PAK6: variants seen among roughly 807,000 people sequenced by gnomAD.
The protein encoded by PAK6 is p21 (RAC1) activated kinase 6.
PAK6 carries 33 observed loss-of-function variants against 60.8 expected under a neutral mutation model. The observed-to-expected ratio is 0.54, with a 90% CI of 0.41 to 0.73. PAK6 has a LOEUF of 0.73. Ranked by LOEUF, PAK6 falls within the 30% of genes least tolerant of loss-of-function variation. The pLI is 0.00. For missense variants in PAK6, 845 were observed against 904.1 expected (o/e 0.93, Z 0.84); for synonymous variants, 404 against 378.5 (o/e 1.07, Z -0.78).
chr15:40,265,457 C>G (rs904093058), intron 4 of PAK6, among the ~76,000 whole-genome samples: 6 of 152,152 alleles, frequency 3.9e-5, no homozygotes, highest in African/African-American at 1.4e-4. Context: ...GAGGAGCCCC[C>G]GGCCTGGTGT....
intron 2 of PAK6, among the ~76,000 whole-genome samples, chr15:40,243,952 C>T (rs2038427093): frequency 6.6e-6 from 1 of 152,212 alleles, no homozygotes; most frequent in African/African-American, 2.4e-5. Context: ...CCATCTAAAG[C>T]ATACACTTGG....
At chr15:40,252,749 G>A in intron 2 of PAK6, 1 of 1,302,048 alleles carries the variant, frequency 7.7e-7, no homozygotes, top group Non-Finnish European at 1.0e-6. Flanking sequence ...CCCAACACGC[G>A]CAGCCCCCTT....
At chr15:40,241,673 G>A (rs1203216013) in intron 2 of PAK6, among the ~76,000 whole-genome samples, 3 of 152,166 alleles carry the variant, frequency 2.0e-5, no homozygotes, top group Admixed American at 6.5e-5. Flanking sequence ...GGGAGTGTGG[G>A]GACTGCACGG....
intron 2 of PAK6, among the ~76,000 whole-genome samples, chr15:40,248,685 G>C (rs181958001): frequency 6.6e-6 from 1 of 152,198 alleles, no homozygotes. Context: ...TGCCATGTGG[G>C]GGTCCTCGCG....
At chr15:40,247,285 T>A (rs187461806) in intron 2 of PAK6, 1 of 152,352 alleles carries the variant, frequency 6.6e-6, no homozygotes, top group Admixed American at 6.5e-5. Context: ...CAAAAGATAT[T>A]TGGATGGAAC....
At chr15:40,259,093 GA>G (rs2038914912) in intron 3 of PAK6, 1 of 152,294 alleles carries the variant, frequency 6.6e-6, no homozygotes, top group Admixed American at 6.5e-5. Flanking sequence ...CTCTGAGGGG[GA>G]GTCCCCTTCC....
intron 4 of PAK6, 90 bp downstream of exon 4, chr15:40,265,079 C>A: frequency 8.9e-7 from 1 of 1,125,590 alleles, no homozygotes; most frequent in Non-Finnish European, 1.3e-6. Flanking sequence ...CCTGGAGGAA[C>A]CACCTACTTC....
chr15:40,273,388 G>A (rs1595604148), exon 8 of PAK6: 3 of 1,613,986 alleles, frequency 1.9e-6, no homozygotes, highest in Non-Finnish European at 2.5e-6. Context: ...AGGCTGTGCT[G>A]CAGGCCCTGG....
intron 3 of PAK6, among the ~76,000 whole-genome samples, chr15:40,255,673 G>A (rs905248092): frequency 6.6e-6 from 1 of 152,202 alleles, no homozygotes; most frequent in East Asian, 1.9e-4. Context: ...ACGTGAAGAG[G>A]AGCAGATGGC....
chr15:40,261,680 A>G (rs940138905), intron 3 of PAK6, among the ~76,000 whole-genome samples: 1 of 152,142 alleles, frequency 6.6e-6, no homozygotes, highest in African/African-American at 2.4e-5. Flanking sequence ...CACATTTCAG[A>G]TGAGTCCTAG....
At chr15:40,252,586 G>A (rs1247742914) in intron 2 of PAK6, 1 of 1,356,856 alleles carries the variant, frequency 7.4e-7, no homozygotes, top group Non-Finnish European at 9.8e-7. Flanking sequence ...GCACCAACGT[G>A]TAAGCGCGGC....
intron 5 of PAK6, among the ~76,000 whole-genome samples, chr15:40,268,615 A>G (rs2039214858): frequency 6.6e-6 from 1 of 152,212 alleles, no homozygotes; most frequent in African/African-American, 2.4e-5. Flanking sequence ...GAGGCCATGC[A>G]GTGTGCCAGG....
At chr15:40,273,766 A>T (rs2039375727) in intron 9 of PAK6, 90 bp downstream of exon 9, 2 of 1,484,990 alleles carry the variant, frequency 1.3e-6, no homozygotes, top group African/African-American at 2.8e-5. Flanking sequence ...AGCTCACCAA[A>T]AGCAGCCCTG....
At chr15:40,254,799 A>G (rs4142631) in intron 3 of PAK6, among the ~76,000 whole-genome samples, 147,846 of 152,318 alleles carry the variant, frequency 0.97, 71,905 homozygotes, top group East Asian at 1. Flanking sequence ...CAGAGCTCGC[A>G]GTAGCTACAA....
At chr15:40,252,541 T>C (rs748128283) in intron 2 of PAK6, 2 of 1,362,296 alleles carry the variant, frequency 1.5e-6, no homozygotes, top group Admixed American at 3.8e-5. Flanking sequence ...GGCCACACCC[T>C]GAAATCAAAA....
rs1370813794 is a variant in PAK6 at position 40,252,428 on chromosome 15, T to C, written c.-117-750T>C. On this transcript the variant is annotated intron_variant, in intron 2 of 10. Coordinates refer to ENST00000560346, the Ensembl canonical transcript of PAK6. ...GGCCAAGCAGGTGGAGAGAAAGAGT[T>C]GAGCAGCACGGCGCCCCTCGGGCAG... The C allele has an allele frequency of 3.7e-6, 5 of 1,356,508 alleles. No homozygotes were observed. The Admixed American group carries it at 9.6e-5, about 26-fold the overall frequency. The allele number at this position is 1,356,508 out of a possible 1,614,324, so 84.0% of individuals were successfully genotyped here.
At chr15:40,263,417 G>A (rs566794173) in intron 3 of PAK6, among the ~76,000 whole-genome samples, 3 of 152,216 alleles carry the variant, frequency 2.0e-5, no homozygotes, top group East Asian at 1.9e-4. Context: ...TCCCAGGTCC[G>A]GGATCCCCTG....
chr15:40,254,052 T>C (rs1328022274), intron 3 of PAK6, among the ~76,000 whole-genome samples: 2 of 152,196 alleles, frequency 1.3e-5, no homozygotes, highest in Non-Finnish European at 2.9e-5. Flanking sequence ...GTGCCATGAA[T>C]TCTCCTCCAT....
At chr15:40,242,054 C>T (rs548123218) in intron 2 of PAK6, among the ~76,000 whole-genome samples, 16 of 152,178 alleles carry the variant, frequency 1.1e-4, no homozygotes, top group East Asian at 5.8e-4. Flanking sequence ...CGGAGGCTGT[C>T]GAGCACTAGG....
Sources: gnomAD v4.1 joint callset for allele counts (sites outside exome capture counted in the v4.1 genomes callset) on GRCh38, gnomAD v4.1.1 for gene constraint, MANE v1.5 for transcripts, NCBI Gene and HGNC (gene_info 2026-07-23, HGNC 2026-07-21) for gene names.